Variants in CFAP210 observed in about 807,000 individuals in gnomAD.
CFAP210 encodes the protein cilia- and flagella- associated protein 210.
chr2:169,653,971 C>T, the CFAP210 span: 2 of 1,220,988 alleles, frequency 1.6e-6, no homozygotes, highest in African/African-American at 3.1e-5. Flanking sequence ...ATGCTCTAGT[C>T]ATATATAAAA....
chr2:169,656,830 G>A, the CFAP210 span, among the ~76,000 whole-genome samples: 5 of 151,774 alleles, frequency 3.3e-5, no homozygotes, highest in Non-Finnish European at 7.4e-5. Context: ...GGGGTATGGC[G>A]GTGGGTGCCT....
At chr2:169,654,059 C>T in the CFAP210 span, 6 of 1,599,034 alleles carry the variant, frequency 3.8e-6, no homozygotes, top group Non-Finnish European at 5.1e-6. Flanking sequence ...TTATTATACA[C>T]ATTATTAAAG....
the CFAP210 span, among the ~76,000 whole-genome samples, chr2:169,690,088 A>G: frequency 6.6e-6 from 1 of 152,154 alleles, no homozygotes; most frequent in Non-Finnish European, 1.5e-5. Context: ...AGCACATTAC[A>G]GCCTCAAATT....
chr2:169,691,130 T>C, the CFAP210 span, among the ~76,000 whole-genome samples: 3 of 152,210 alleles, frequency 2.0e-5, no homozygotes, highest in Non-Finnish European at 2.9e-5. Flanking sequence ...TGAGACTGAA[T>C]AATCTCAATT....
the CFAP210 span, among the ~76,000 whole-genome samples, chr2:169,677,042 T>C: frequency 6.6e-6 from 1 of 152,216 alleles, no homozygotes; most frequent in East Asian, 1.9e-4. Context: ...TGGGCTACTA[T>C]AACCTTCAGG....
At chr2:169,654,303 A>AG in the CFAP210 span, 2 of 1,106,130 alleles carry the variant, frequency 1.8e-6, no homozygotes, top group Non-Finnish European at 2.5e-6. Context: ...TCAAATGGTC[A>AG]CAGCTTCTGA....
chr2:169,656,404 G>A, the CFAP210 span, among the ~76,000 whole-genome samples: 2 of 151,240 alleles, frequency 1.3e-5, no homozygotes, highest in Admixed American at 6.6e-5. Flanking sequence ...GGAGGAGGAT[G>A]AAGTAGAGAA....
At chr2:169,684,322 T>C in the CFAP210 span, among the ~76,000 whole-genome samples, 1 of 152,226 alleles carries the variant, frequency 6.6e-6, no homozygotes. Context: ...TATTGAGTTA[T>C]AATACACATA....
the CFAP210 span, chr2:169,649,489 G>A: frequency 1.5e-6 from 1 of 674,694 alleles, no homozygotes; most frequent in Non-Finnish European, 2.5e-6. Flanking sequence ...CACCTGGGGT[G>A]GTTCCCATGC....
At chr2:169,675,684 G>GAC in the CFAP210 span, among the ~76,000 whole-genome samples, 1 of 152,140 alleles carries the variant, frequency 6.6e-6, no homozygotes, top group Non-Finnish European at 1.5e-5. Context: ...TCTGAATGGA[G>GAC]ACACACATCC....
the CFAP210 span, chr2:169,661,084 C>T: frequency 0.27 from 144,089 of 542,394 alleles, 20,208 homozygotes; most frequent in Non-Finnish European, 0.31. Flanking sequence ...ATATGGCGTA[C>T]TTGTCAAGGC....
At chr2:169,681,418 A>T in the CFAP210 span, 3 of 630,338 alleles carry the variant, frequency 4.8e-6, no homozygotes, top group Non-Finnish European at 8.4e-6. Context: ...ATCAGAAGGC[A>T]TATATTTGAG....
At chr2:169,660,835 CA>C in the CFAP210 span, 4 of 273,930 alleles carry the variant, frequency 1.5e-5, no homozygotes, top group Non-Finnish European at 2.9e-5. Context: ...CTCCTGAGCT[CA>C]AAGAGATCTG....
At chr2:169,666,073 G>C in the CFAP210 span, among the ~76,000 whole-genome samples, 1 of 151,962 alleles carries the variant, frequency 6.6e-6, no homozygotes, top group South Asian at 2.1e-4. Context: ...ATCATCACCT[G>C]GCTATTACAC....
At chr2:169,650,352 T>C in the CFAP210 span, 3 of 1,594,866 alleles carry the variant, frequency 1.9e-6, no homozygotes, top group Non-Finnish European at 2.6e-6. Context: ...TATTCTGCAA[T>C]TGTTTTTAAT....
chr2:169,662,268 C>T, the CFAP210 span: 1 of 1,589,396 alleles, frequency 6.3e-7, no homozygotes, highest in Non-Finnish European at 8.5e-7. Flanking sequence ...AACTTTTGCC[C>T]TTTCAACTTA....
At chr2:169,654,489 ACT>A in the CFAP210 span, among the ~76,000 whole-genome samples, 1 of 152,128 alleles carries the variant, frequency 6.6e-6, no homozygotes, top group South Asian at 2.1e-4. Flanking sequence ...AATAAATCAT[ACT>A]CTCAATTACA....
the CFAP210 span, among the ~76,000 whole-genome samples, chr2:169,679,378 C>G: frequency 6.6e-6 from 1 of 152,150 alleles, no homozygotes; most frequent in Non-Finnish European, 1.5e-5. Flanking sequence ...CTCCTCCATC[C>G]TTAAGCAGGT....
chr2:169,660,390 A>G, the CFAP210 span, among the ~76,000 whole-genome samples: 1 of 143,388 alleles, frequency 7.0e-6, no homozygotes, highest in Admixed American at 7.0e-5. Context: ...ACTCTGTCTC[A>G]AAAAAAAAAA....
Sources: gnomAD v4.1 joint callset for allele counts (sites outside exome capture counted in the v4.1 genomes callset) on GRCh38, gnomAD v4.1.1 for gene constraint, MANE v1.5 for transcripts, NCBI Gene and HGNC (gene_info 2026-07-23, HGNC 2026-07-21) for gene names.